The following GLIPR1L1 variants were observed in gnomAD, a reference collection of about 807,000 sequenced individuals.
The protein encoded by GLIPR1L1 is GLIPR1 like 1, also known as GLIPR1-like protein 1.
Under a neutral mutation model 29.9 loss-of-function variants are expected in GLIPR1L1, and 26 were observed. That is an observed-to-expected ratio of 0.87 (90% CI 0.64 to 1.21). The LOEUF is 1.21. Ranked by LOEUF, GLIPR1L1 falls within the 50% of genes most tolerant of loss-of-function variation. The pLI, the probability that GLIPR1L1 is intolerant of heterozygous loss-of-function variation, is 0.00. For missense variants in GLIPR1L1, 305 were observed against 290.3 expected (o/e 1.05, Z -0.37); for synonymous variants, 77 against 97.5 (o/e 0.79, Z 1.24).
intron 3 of GLIPR1L1, among the ~76,000 whole-genome samples, chr12:75,359,094 T>A (rs1407601566): frequency 6.7e-6 from 1 of 150,348 alleles, no homozygotes; most frequent in Admixed American, 6.7e-5. Flanking sequence ...CTAAAACAAA[T>A]AAGTTTAGCA....
At chr12:75,343,183 C>G (rs2042232022) in intron 1 of GLIPR1L1, among the ~76,000 whole-genome samples, 2 of 151,890 alleles carry the variant, frequency 1.3e-5, no homozygotes, top group African/African-American at 4.8e-5. Flanking sequence ...ATAGAAATAA[C>G]AAGGGCAGAT....
At chr12:75,355,229 A>G (rs930254674) in intron 3 of GLIPR1L1, among the ~76,000 whole-genome samples, 47 of 152,368 alleles carry the variant, frequency 3.1e-4, no homozygotes, top group African/African-American at 1.0e-3. Flanking sequence ...CAATCTATCC[A>G]TCTGACAAAG....
At chr12:75,344,686 A>C (rs1452560000) in intron 2 of GLIPR1L1, among the ~76,000 whole-genome samples, 1 of 151,962 alleles carries the variant, frequency 6.6e-6, no homozygotes, top group African/African-American at 2.4e-5. Flanking sequence ...TTATATTCGC[A>C]ATTTGTACAT....
intron 3 of GLIPR1L1, among the ~76,000 whole-genome samples, chr12:75,361,956 T>G (rs1424527133): frequency 6.6e-6 from 1 of 152,072 alleles, no homozygotes; most frequent in Non-Finnish European, 1.5e-5. Context: ...AACAAAAACC[T>G]CTACGACCTT....
chr12:75,356,824 T>C (rs1009539497), intron 3 of GLIPR1L1, among the ~76,000 whole-genome samples: 2 of 152,114 alleles, frequency 1.3e-5, no homozygotes, highest in African/African-American at 2.4e-5. Flanking sequence ...TTTTTTCACT[T>C]TGAATATAAA....
intron 2 of GLIPR1L1, among the ~76,000 whole-genome samples, chr12:75,345,958 A>G (rs2042416730): frequency 6.6e-6 from 1 of 152,238 alleles, no homozygotes; most frequent in Admixed American, 6.5e-5. Flanking sequence ...ATATTCTTAT[A>G]AAATCAACAA....
chr12:75,351,360 G>T (rs1449835157), intron 3 of GLIPR1L1, among the ~76,000 whole-genome samples: 1 of 152,084 alleles, frequency 6.6e-6, no homozygotes, highest in Non-Finnish European at 1.5e-5. Context: ...TCCATGAGAA[G>T]ATCAACCCCA....
At chr12:75,338,991 T>C (rs1265039089) in intron 1 of GLIPR1L1, among the ~76,000 whole-genome samples, 2 of 152,240 alleles carry the variant, frequency 1.3e-5, no homozygotes, top group African/African-American at 4.8e-5. Flanking sequence ...ATTTTCTTTA[T>C]CCATTCTATC....
intron 3 of GLIPR1L1, among the ~76,000 whole-genome samples, chr12:75,362,544 C>T (rs1167724249): frequency 6.6e-6 from 1 of 152,092 alleles, no homozygotes; most frequent in African/African-American, 2.4e-5. Context: ...TAATGGAATA[C>T]TACTCATGTT....
intron 1 of GLIPR1L1, among the ~76,000 whole-genome samples, chr12:75,340,884 C>T (rs966381762): frequency 1.3e-5 from 2 of 151,832 alleles, no homozygotes; most frequent in African/African-American, 2.4e-5. Flanking sequence ...GGACATATCA[C>T]GACACACCAA....
At chr12:75,347,294 T>A (rs1463965647) in intron 2 of GLIPR1L1, among the ~76,000 whole-genome samples, 1 of 152,118 alleles carries the variant, frequency 6.6e-6, no homozygotes, top group East Asian at 1.9e-4. Flanking sequence ...TGTATGATAT[T>A]CCCAGGGATA....
intron 3 of GLIPR1L1, among the ~76,000 whole-genome samples, chr12:75,351,211 T>C (rs2042787504): frequency 2.0e-5 from 3 of 152,218 alleles, no homozygotes; most frequent in South Asian, 4.1e-4. Context: ...CTATGACTGA[T>C]TGGGGTACCT....
intron 3 of GLIPR1L1, among the ~76,000 whole-genome samples, chr12:75,362,814 T>C (rs2043695291): frequency 6.6e-6 from 1 of 152,178 alleles, no homozygotes; most frequent in Non-Finnish European, 1.5e-5. Flanking sequence ...AATCATACTA[T>C]CTATGACAAA....
chr12:75,353,350 G>A (rs554358281), intron 3 of GLIPR1L1, among the ~76,000 whole-genome samples: 6 of 152,276 alleles, frequency 3.9e-5, no homozygotes, highest in African/African-American at 1.4e-4. Flanking sequence ...ACAACCATCA[G>A]AGAATACTAT....
chr12:75,360,428 A>T (rs1565997551), intron 3 of GLIPR1L1: 1 of 152,222 alleles, frequency 6.6e-6, no homozygotes, highest in Non-Finnish European at 1.5e-5. Context: ...GGATACAGGC[A>T]TTGGGTAAAT....
intron 3 of GLIPR1L1, among the ~76,000 whole-genome samples, chr12:75,352,985 C>T (rs970794114): frequency 1.4e-4 from 21 of 152,118 alleles, no homozygotes; most frequent in Admixed American, 1.4e-3. Context: ...CTCTGGGACG[C>T]AGCTAAAGCA....
intron 3 of GLIPR1L1, 84 bp from the exon 4 acceptor site, chr12:75,363,018 G>A: frequency 1.6e-6 from 1 of 607,730 alleles, no homozygotes; most frequent in Non-Finnish European, 2.9e-6. Flanking sequence ...CTTAATAAAT[G>A]ACTAAAACAA....
At chr12:75,368,616 C>T (rs2044152603) in intron 4 of GLIPR1L1, among the ~76,000 whole-genome samples, 1 of 151,558 alleles carries the variant, frequency 6.6e-6, no homozygotes, top group Non-Finnish European at 1.5e-5. Context: ...CAAATTTTTG[C>T]ATTTATTTTT....
intron 2 of GLIPR1L1, among the ~76,000 whole-genome samples, chr12:75,345,529 A>C (rs533254689): frequency 6.6e-6 from 1 of 152,274 alleles, no homozygotes; most frequent in South Asian, 2.1e-4. Flanking sequence ...GTCTTAAAGC[A>C]ACTTGTTCTT....
Sources: allele counts gnomAD v4.1 joint callset (sites outside exome capture counted in the v4.1 genomes callset), GRCh38; gene constraint gnomAD v4.1.1; transcripts MANE v1.5; gene names NCBI Gene and HGNC (gene_info 2026-07-23, HGNC 2026-07-21).